The following LDLRAD3 variants were observed in gnomAD, a reference collection of about 807,000 sequenced individuals.
LDLRAD3 encodes the protein low density lipoprotein receptor class A domain containing 3.
LDLRAD3 carries 20 observed loss-of-function variants against 29.4 expected under a neutral mutation model. The ratio of observed to expected loss-of-function variants is 0.68; its 90% CI spans 0.48 to 0.99. The LOEUF is 0.99. Among genes scored for constraint, LDLRAD3 ranks in the 50% least tolerant of loss-of-function variants. LDLRAD3 has a pLI of 0.00. For missense variants in LDLRAD3, 420 were observed against 454.3 expected (o/e 0.92, Z 0.69); for synonymous variants, 157 against 192.7 (o/e 0.81, Z 1.53).
chr11:36,069,495 T>A (rs1469147323), intron 2 of LDLRAD3, among the ~76,000 whole-genome samples: 2 of 152,232 alleles, frequency 1.3e-5, no homozygotes, highest in Admixed American at 1.3e-4. Flanking sequence ...TGGGGAGCTG[T>A]GCATGTTGAT....
chr11:36,209,352 A>ATTT (rs1855251923), intron 4 of LDLRAD3, among the ~76,000 whole-genome samples: 11 of 74,788 alleles, frequency 1.5e-4, no homozygotes, highest in Non-Finnish European at 2.1e-4. Flanking sequence ...CAGAAACTGT[A>ATTT]CTTTTTTTTT....
chr11:36,199,061 C>T (rs1309079801), intron 4 of LDLRAD3, among the ~76,000 whole-genome samples: 10 of 152,268 alleles, frequency 6.6e-5, no homozygotes, highest in South Asian at 6.2e-4. Flanking sequence ...CCACCTCGCC[C>T]GGCTAATTTT....
intron 4 of LDLRAD3, among the ~76,000 whole-genome samples, chr11:36,128,339 C>T (rs192781415): frequency 3.2e-4 from 49 of 152,060 alleles, no homozygotes; most frequent in Admixed American, 7.2e-4. Flanking sequence ...CGCATTTAAC[C>T]GCAATTTCTT....
At chr11:36,156,458 T>C (rs1854352655) in intron 4 of LDLRAD3, among the ~76,000 whole-genome samples, 1 of 152,200 alleles carries the variant, frequency 6.6e-6, no homozygotes, top group South Asian at 2.1e-4. Flanking sequence ...CCATTTGCCA[T>C]TGTTAGCATG....
intron 1 of LDLRAD3, among the ~76,000 whole-genome samples, chr11:35,964,700 G>T (rs934118038): frequency 1.3e-5 from 2 of 152,128 alleles, no homozygotes; most frequent in African/African-American, 4.8e-5. Flanking sequence ...TGTAAATTAG[G>T]GTTGAGCCTG....
At chr11:36,127,968 A>G (rs1006112077) in intron 4 of LDLRAD3, among the ~76,000 whole-genome samples, 2 of 151,600 alleles carry the variant, frequency 1.3e-5, no homozygotes, top group Admixed American at 1.3e-4. Context: ...TATGTTGGGA[A>G]TTTCTCCAGC....
At chr11:35,982,704 A>G (rs1851557103) in intron 1 of LDLRAD3, among the ~76,000 whole-genome samples, 1 of 151,920 alleles carries the variant, frequency 6.6e-6, no homozygotes, top group African/African-American at 2.4e-5. Flanking sequence ...CTTCCCATGC[A>G]TGTTGTTGTG....
intron 2 of LDLRAD3, among the ~76,000 whole-genome samples, chr11:36,077,131 A>G (rs1186208910): frequency 6.6e-6 from 1 of 152,214 alleles, no homozygotes; most frequent in Non-Finnish European, 1.5e-5. Context: ...ATATACTCGG[A>G]GAAATGTGTA....
intron 4 of LDLRAD3, among the ~76,000 whole-genome samples, chr11:36,153,456 A>G (rs898377124): frequency 6.6e-6 from 1 of 152,058 alleles, no homozygotes; most frequent in African/African-American, 2.4e-5. Context: ...AGTTGGGGGT[A>G]TCTCTGCTTT....
chr11:36,141,450 C>T (rs1180460611), intron 4 of LDLRAD3, among the ~76,000 whole-genome samples: 2 of 152,146 alleles, frequency 1.3e-5, no homozygotes, highest in African/African-American at 4.8e-5. Flanking sequence ...CGGATGCATC[C>T]CTCCGGGAAA....
chr11:36,185,970 A>G (rs769468344), intron 4 of LDLRAD3, among the ~76,000 whole-genome samples: 3 of 152,202 alleles, frequency 2.0e-5, no homozygotes, highest in South Asian at 2.1e-4. Flanking sequence ...ACATTTTTAT[A>G]TATTAGAGGC....
intron 4 of LDLRAD3, among the ~76,000 whole-genome samples, chr11:36,124,324 A>G (rs1449234163): frequency 6.6e-6 from 1 of 152,232 alleles, no homozygotes; most frequent in African/African-American, 2.4e-5. Context: ...ACCAAGTATC[A>G]TGGAAGCAAT....
intron 1 of LDLRAD3, among the ~76,000 whole-genome samples, chr11:35,996,199 C>T (rs79309357): frequency 0.035 from 5,380 of 152,280 alleles, 149 homozygotes; most frequent in Admixed American, 0.075. Context: ...AGATGTACAA[C>T]GCTTTCTTCC....
chr11:35,966,803 A>C (rs1422913019), intron 1 of LDLRAD3, among the ~76,000 whole-genome samples: 18 of 152,230 alleles, frequency 1.2e-4, no homozygotes, highest in Non-Finnish European at 4.4e-5. Context: ...CACTTCCACA[A>C]AGGGGTTGGG....
chr11:36,221,480 C>T (rs1455573586), intron 4 of LDLRAD3, among the ~76,000 whole-genome samples: 1 of 152,012 alleles, frequency 6.6e-6, no homozygotes, highest in African/African-American at 2.4e-5. Flanking sequence ...CCCCAAGAAG[C>T]ACCTACAGGG....
At chr11:36,003,413 C>T (rs1026360889) in intron 1 of LDLRAD3, among the ~76,000 whole-genome samples, 4 of 152,176 alleles carry the variant, frequency 2.6e-5, no homozygotes, top group African/African-American at 9.7e-5. Context: ...TCCTTTCAGT[C>T]AGGAGGCCTG....
At chr11:36,124,925 C>G (rs1285853643) in intron 4 of LDLRAD3, among the ~76,000 whole-genome samples, 1 of 152,100 alleles carries the variant, frequency 6.6e-6, no homozygotes, top group African/African-American at 2.4e-5. Flanking sequence ...CTCCTGGCCT[C>G]AAGTGATCTG....
At chr11:36,173,952 G>A (rs894212023) in intron 4 of LDLRAD3, among the ~76,000 whole-genome samples, 6 of 152,174 alleles carry the variant, frequency 3.9e-5, no homozygotes, top group African/African-American at 1.4e-4. Flanking sequence ...CATGCTGCCT[G>A]ACTTCAAACT....
chr11:36,183,949 C>A, intron 4 of LDLRAD3: 1 of 298,146 alleles, frequency 3.4e-6, no homozygotes. Flanking sequence ...GTTCTTTTTC[C>A]AAATATATTT....
Sources: gnomAD v4.1 joint callset for allele counts (sites outside exome capture counted in the v4.1 genomes callset) on GRCh38, gnomAD v4.1.1 for gene constraint, MANE v1.5 for transcripts, NCBI Gene and HGNC (gene_info 2026-07-23, HGNC 2026-07-21) for gene names.